METTL15: variants seen among roughly 807,000 people sequenced by gnomAD.
The protein encoded by METTL15 is 12S rRNA N(4)-cytidine methyltransferase METTL15.
Under a neutral mutation model 38.3 loss-of-function variants are expected in METTL15, and 34 were observed. The ratio of observed to expected loss-of-function variants is 0.89; its 90% CI spans 0.68 to 1.18. METTL15 has a LOEUF of 1.18. Among genes scored for constraint, METTL15 ranks in the 50% most tolerant of loss-of-function variants. METTL15 has a pLI of 0.00. For missense variants in METTL15, 438 were observed against 498.4 expected, an observed-to-expected ratio of 0.88 and a Z score of 1.15; for synonymous variants, 162 against 170.9, an observed-to-expected ratio of 0.95 and a Z score of 0.41.
At chr11:28,312,002 T>G (rs1036176361) in intron 6 of METTL15, among the ~76,000 whole-genome samples, 1 of 152,338 alleles carries the variant, frequency 6.6e-6, no homozygotes, top group African/African-American at 2.4e-5. Context: ...GTAAGAAAGC[T>G]GAGACAGAGG....
intron 6 of METTL15, among the ~76,000 whole-genome samples, chr11:28,468,567 CAA>C (rs1295683965): frequency 6.6e-6 from 1 of 152,058 alleles, no homozygotes; most frequent in Admixed American, 6.6e-5. Context: ...TATTTCTATG[CAA>C]AATAGTATTA....
intron 6 of METTL15, among the ~76,000 whole-genome samples, chr11:28,503,854 TC>T (rs1279438256): frequency 2.0e-5 from 3 of 151,558 alleles, no homozygotes; most frequent in East Asian, 3.9e-4. Flanking sequence ...TTCATAAATA[TC>T]CTGTTATACT....
chr11:28,385,358 A>G (rs931287943), intron 5 of METTL15, among the ~76,000 whole-genome samples: 1 of 152,136 alleles, frequency 6.6e-6, no homozygotes, highest in African/African-American at 2.4e-5. Flanking sequence ...CCTTCTGCAT[A>G]TGGCTAGCTA....
intron 6 of METTL15, among the ~76,000 whole-genome samples, chr11:28,319,275 C>G (rs115977920): frequency 9.7e-4 from 148 of 152,290 alleles, no homozygotes; most frequent in African/African-American, 3.5e-3. Context: ...GGAAATCACT[C>G]TAAGCCATGT....
chr11:28,127,396 A>G (rs1041346566), intron 3 of METTL15, among the ~76,000 whole-genome samples: 6 of 151,914 alleles, frequency 3.9e-5, no homozygotes, highest in Admixed American at 6.5e-5. Flanking sequence ...ACAATTCTGG[A>G]GAAGGGAAGT....
At chr11:28,165,392 A>G (rs952715064) in intron 3 of METTL15, among the ~76,000 whole-genome samples, 4 of 152,128 alleles carry the variant, frequency 2.6e-5, no homozygotes, top group African/African-American at 9.6e-5. Flanking sequence ...TTATAAGGTG[A>G]TATCTCACTG....
rs796724858 is a variant in METTL15, at chr11:28,311,659, C to A, written c.778+14728C>A. 3.9e-5 allele frequency among the ~76,000 whole-genome samples: 6 copies of A among 152,352 alleles called. 1 individual carries two copies. The highest frequency in any genetic ancestry group is 1.4e-4 in the African/African-American group (6 of 41,588). ...TAATTTACTAGCTTTGTAAATTTAT[C>A]TTCTCTGAATCTATTTCTTCATCTG... On this transcript the variant is annotated intron_variant, in intron 6 of 6. Transcript: ENST00000407364.
intron 5 of METTL15, among the ~76,000 whole-genome samples, chr11:28,413,651 A>G (rs1850748377): frequency 6.6e-6 from 1 of 152,140 alleles, no homozygotes; most frequent in Non-Finnish European, 1.5e-5. Context: ...AGATGGATTG[A>G]AGGAATAGGA....
chr11:28,195,289 A>G (rs917329224), intron 3 of METTL15, among the ~76,000 whole-genome samples: 4 of 152,136 alleles, frequency 2.6e-5, no homozygotes, highest in African/African-American at 9.7e-5. Context: ...AGAAATCTCC[A>G]TGCTGTTTTC....
At chr11:28,522,926 A>G (rs1252144607) in intron 6 of METTL15, among the ~76,000 whole-genome samples, 2 of 152,242 alleles carry the variant, frequency 1.3e-5, no homozygotes, top group Admixed American at 1.3e-4. Context: ...TCATTTATTT[A>G]AAACATTTCT....
intron 6 of METTL15, among the ~76,000 whole-genome samples, chr11:28,493,371 A>G (rs1321332671): frequency 2.0e-5 from 3 of 152,162 alleles, no homozygotes; most frequent in Non-Finnish European, 4.4e-5. Context: ...TGGAGCATCA[A>G]TAATTAAAGG....
chr11:28,282,939 CA>C (rs1228288588), intron 4 of METTL15, among the ~76,000 whole-genome samples: 4 of 152,114 alleles, frequency 2.6e-5, no homozygotes, highest in African/African-American at 9.7e-5. Context: ...TTAAGTGATC[CA>C]GAGAGAATCA....
chr11:28,516,608 G>A (rs1851721715), intron 6 of METTL15, among the ~76,000 whole-genome samples: 1 of 152,150 alleles, frequency 6.6e-6, no homozygotes. Flanking sequence ...GAGAAAATAA[G>A]ATGCCCTTGA....
intron 6 of METTL15, among the ~76,000 whole-genome samples, chr11:28,448,657 GT>G (rs1270786113): frequency 6.6e-6 from 1 of 151,916 alleles, no homozygotes; most frequent in Non-Finnish European, 1.5e-5. Flanking sequence ...ATCTACCTAA[GT>G]TATGGCAGAT....
In METTL15 at chr11:28,310,803, A is replaced by G. The variant is rs536982357; in HGVS notation, c.778+13872A>G. On this transcript the variant is annotated intron_variant, in intron 6 of 6. Transcript: ENST00000407364. ...TATTTCATGTATCTTTGATTGTGATATATCTTCCACCTGGAAAAAAATCTC... is the reference window on the plus strand; with the variant it reads ...TATTTCATGTATCTTTGATTGTGATGTATCTTCCACCTGGAAAAAAATCTC... Among the ~76,000 whole-genome samples the G allele has an allele frequency of 4.6e-3, 699 of 152,054 alleles. 6 individuals are homozygous for G. Among genetic ancestry groups the G allele is most frequent in the African/African-American group, 0.016 (650 of 41,454 alleles).
intron 6 of METTL15, among the ~76,000 whole-genome samples, chr11:28,509,873 T>G (rs562650517): frequency 1.3e-5 from 2 of 152,326 alleles, no homozygotes; most frequent in East Asian, 3.9e-4. Flanking sequence ...GCTTTGTACC[T>G]CCTGCAACTT....
chr11:28,362,936 G>A (rs1025253579), intron 5 of METTL15, among the ~76,000 whole-genome samples: 1 of 152,130 alleles, frequency 6.6e-6, no homozygotes, highest in African/African-American at 2.4e-5. Context: ...TTTTCAAACT[G>A]TTTTCCACAG....
intron 4 of METTL15, among the ~76,000 whole-genome samples, chr11:28,289,441 G>A (rs867681567): frequency 1.4e-4 from 22 of 152,066 alleles, no homozygotes; most frequent in South Asian, 2.1e-4. Flanking sequence ...TAGACAGAGG[G>A]AATGACATCT....
intron 4 of METTL15, among the ~76,000 whole-genome samples, chr11:28,213,972 A>G (rs1324331982): frequency 1.3e-5 from 2 of 152,130 alleles, no homozygotes; most frequent in Admixed American, 1.3e-4. Flanking sequence ...TGCCTTTTAC[A>G]CTAATCCTGA....
Sources: gnomAD v4.1 joint callset for allele counts (sites outside exome capture counted in the v4.1 genomes callset) on GRCh38, gnomAD v4.1.1 for gene constraint, MANE v1.5 for transcripts, NCBI Gene and HGNC (gene_info 2026-07-23, HGNC 2026-07-21) for gene names.